Variants in VTI1A observed in about 807,000 individuals in gnomAD.
The protein encoded by VTI1A is vesicle transport through interaction with t-SNAREs homolog 1A.
VTI1A carries 22 observed loss-of-function variants against 34.9 expected under a neutral mutation model. The observed-to-expected ratio is 0.63, with a 90% CI of 0.45 to 0.90. The LOEUF (loss-of-function observed/expected upper bound fraction) is 0.90, where lower values mean the gene tolerates loss of function less well. VTI1A is among the 40% of genes least tolerant of loss of function. The probability of loss-of-function intolerance (pLI) is 0.00; values close to 1 mark genes in which losing one functional copy is unlikely to be tolerated. For synonymous variants in VTI1A, 87 were observed against 97.3 expected (o/e 0.89, Z 0.62); for missense variants, 268 against 275.6 (o/e 0.97, Z 0.20).
At chr10:112,708,032 A>C (rs996671429) in intron 7 of VTI1A, among the ~76,000 whole-genome samples, 2 of 152,242 alleles carry the variant, frequency 1.3e-5, no homozygotes, top group Non-Finnish European at 2.9e-5. Flanking sequence ...GGTTGATAAC[A>C]TTCTTTACCG....
Position 112,654,222 on chromosome 10 carries a change from T to C in VTI1A, c.428-13996T>C, listed in dbSNP as rs1308862496. ...GTTTATAAAATGAATAATTTTTTAG[T>C]GTGCTTCATCTGACATTGACCAGCA... On this transcript the variant is annotated intron_variant, in intron 5 of 7. Transcript: ENST00000393077. Among the ~76,000 whole-genome samples the C allele has an allele frequency of 2.6e-5, 4 of 152,340 alleles. 1 individual carries two copies. The highest frequency in any genetic ancestry group is 2.6e-4 in the Admixed American group (4 of 15,304).
At chr10:112,710,175 A>G (rs1288210783) in intron 7 of VTI1A, among the ~76,000 whole-genome samples, 7 of 147,586 alleles carry the variant, frequency 4.7e-5, no homozygotes, top group South Asian at 2.2e-4. Context: ...TAAACCTCTG[A>G]TTTGAATCCA....
At chr10:112,503,928 CA>C (rs1849330670) in intron 3 of VTI1A, among the ~76,000 whole-genome samples, 1 of 152,304 alleles carries the variant, frequency 6.6e-6, no homozygotes, top group Non-Finnish European at 1.5e-5. Flanking sequence ...GCACAGGTTT[CA>C]GCATTCTGCC....
chr10:112,577,271 G>C (rs1843744927), intron 5 of VTI1A, among the ~76,000 whole-genome samples: 1 of 152,096 alleles, frequency 6.6e-6, no homozygotes, highest in Non-Finnish European at 1.5e-5. Context: ...TGTGAATTTT[G>C]GGGGACAGAG....
chr10:112,564,629 G>A (rs548830294), intron 5 of VTI1A, among the ~76,000 whole-genome samples: 2 of 152,084 alleles, frequency 1.3e-5, no homozygotes, highest in Non-Finnish European at 2.9e-5. Flanking sequence ...GAAATGGAAT[G>A]GGTGCAAATT....
chr10:112,570,127 A>G (rs1014194369), intron 5 of VTI1A, among the ~76,000 whole-genome samples: 1 of 152,158 alleles, frequency 6.6e-6, no homozygotes, highest in Non-Finnish European at 1.5e-5. Context: ...TTTCAAATAT[A>G]ACATGCAGTG....
At chr10:112,607,957 A>G (rs1252907820) in intron 5 of VTI1A, among the ~76,000 whole-genome samples, 1 of 152,164 alleles carries the variant, frequency 6.6e-6, no homozygotes, top group Admixed American at 6.5e-5. Flanking sequence ...CAAAAGCCTT[A>G]GCATCTTTTA....
chr10:112,447,239 G>C lies in VTI1A; in HGVS notation c.-135G>C. The C allele has an allele frequency of 1.1e-6, 1 of 887,606 alleles. No individual in the cohort carries two copies. Among genetic ancestry groups the C allele is most frequent in the Non-Finnish European group, 1.7e-6 (1 of 590,638 alleles). The allele number at this position is 887,606 out of a possible 1,614,324, so 55.0% of individuals were successfully genotyped here. Reference sequence around the variant, plus strand: ...CGAACAACCAGGAAGCGGCTGGGTTGAGAGCTGTCCCCGGTTCTCCGTTCT... The same window carrying C: ...CGAACAACCAGGAAGCGGCTGGGTTCAGAGCTGTCCCCGGTTCTCCGTTCT... On this transcript the variant is annotated 5_prime_UTR_variant, in exon 1 of 8. Coordinates refer to ENST00000393077, the MANE Select transcript of VTI1A (RefSeq NM_145206.4).
intron 5 of VTI1A, among the ~76,000 whole-genome samples, chr10:112,645,104 C>T (rs1045652619): frequency 2.0e-5 from 3 of 152,158 alleles, no homozygotes; most frequent in Non-Finnish European, 4.4e-5. Flanking sequence ...CATTGTAGCT[C>T]ACTATAGTCA....
chr10:112,723,507 A>G (rs1209519930), intron 7 of VTI1A, among the ~76,000 whole-genome samples: 5 of 152,174 alleles, frequency 3.3e-5, no homozygotes, highest in Non-Finnish European at 7.3e-5. Flanking sequence ...CTGAAGGGTC[A>G]GGCTGGGTTT....
chr10:112,464,177 T>C (rs531749882), intron 2 of VTI1A, among the ~76,000 whole-genome samples: 126 of 152,246 alleles, frequency 8.3e-4, no homozygotes, highest in Non-Finnish European at 1.1e-3. Context: ...TTGGTATTTT[T>C]GGTAGAGATG....
intron 3 of VTI1A, chr10:112,484,897 CAA>C (rs1468289183): frequency 1.3e-5 from 2 of 151,452 alleles, no homozygotes; most frequent in African/African-American, 4.9e-5. Flanking sequence ...TTAAATAGAA[CAA>C]AATAATAATG....
intron 5 of VTI1A, among the ~76,000 whole-genome samples, chr10:112,592,387 T>A (rs530365503): frequency 1.6e-4 from 24 of 152,300 alleles, no homozygotes; most frequent in African/African-American, 5.5e-4. Context: ...CCACCATTGC[T>A]AACAGTCATC....
chr10:112,618,068 C>T (rs1845571818), intron 5 of VTI1A, among the ~76,000 whole-genome samples: 2 of 152,034 alleles, frequency 1.3e-5, no homozygotes, highest in Admixed American at 1.3e-4. Context: ...GCAGGAGAAT[C>T]ACTTGAACCC....
chr10:112,482,666 A>T (rs1260739869), intron 3 of VTI1A, among the ~76,000 whole-genome samples: 2 of 152,188 alleles, frequency 1.3e-5, no homozygotes, highest in Non-Finnish European at 2.9e-5. Context: ...AACCCAGTAA[A>T]ATTCAAAATG....
intron 5 of VTI1A, among the ~76,000 whole-genome samples, chr10:112,622,455 T>TAAAAA (rs530312462): frequency 8.8e-6 from 1 of 114,232 alleles, no homozygotes. Flanking sequence ...AAAAAGTACC[T>TAAAAA]AAAAAAAAAA....
intron 3 of VTI1A, among the ~76,000 whole-genome samples, chr10:112,480,825 A>G (rs1848439066): frequency 1.3e-5 from 2 of 152,144 alleles, no homozygotes; most frequent in South Asian, 4.1e-4. Context: ...AAAGGTTCTG[A>G]TGCCCAGCTC....
intron 7 of VTI1A, among the ~76,000 whole-genome samples, chr10:112,749,087 C>A (rs1271917816): frequency 1.3e-5 from 2 of 152,148 alleles, no homozygotes; most frequent in South Asian, 2.1e-4. Context: ...GATTTTCTAA[C>A]AGAACAAGTC....
At chr10:112,751,745 A>G (rs1223401392) in intron 7 of VTI1A, among the ~76,000 whole-genome samples, 1 of 152,240 alleles carries the variant, frequency 6.6e-6, no homozygotes, top group Non-Finnish European at 1.5e-5. Flanking sequence ...TACACATTAT[A>G]GAATAGTGCA....
Sources: allele counts gnomAD v4.1 joint callset (sites outside exome capture counted in the v4.1 genomes callset), GRCh38; gene constraint gnomAD v4.1.1; transcripts MANE v1.5; gene names NCBI Gene and HGNC (gene_info 2026-07-23, HGNC 2026-07-21).